The following PARD3 variants were observed in gnomAD, a reference collection of about 807,000 sequenced individuals.
PARD3 encodes par-3 family cell polarity regulator.
A neutral mutation model predicts 155.4 loss-of-function variants in PARD3; 75 were observed. That is an observed-to-expected ratio of 0.48 (90% confidence interval 0.40 to 0.58). The LOEUF (loss-of-function observed/expected upper bound fraction) is 0.58, where lower values mean the gene tolerates loss of function less well. Ranked by LOEUF, PARD3 falls within the 20% of genes least tolerant of loss-of-function variation. PARD3 has a pLI of 0.00. For synonymous variants in PARD3, 576 were observed against 610.5 expected (o/e 0.94, Z 0.83); for missense variants, 1,642 against 1,721.7 (o/e 0.95, Z 0.82).
Position 34,299,686 on chromosome 10 carries a change from C to T in PARD3, c.3066-15441G>A, listed in dbSNP as rs557959191. Among the ~76,000 whole-genome samples, 7 of 152,266 alleles carry T rather than the reference C, an allele frequency of 4.6e-5. No individual in the cohort carries two copies. The South Asian group carries it at 1.2e-3, about 27-fold the overall frequency. On this transcript the variant is annotated intron_variant, in intron 20 of 24. Transcript: ENST00000374788. ...GATAATAAGACCTGCATGGATAAAACTAATTTGAATGTGGGACCTTCTGAA... is the reference window on the plus strand; with the variant it reads ...GATAATAAGACCTGCATGGATAAAATTAATTTGAATGTGGGACCTTCTGAA...
At position 34,814,860 on chromosome 10, in the gene PARD3, G is replaced by GC; in HGVS notation, c.120+15dup. The GC allele has an allele frequency of 6.3e-6, 6 of 945,670 alleles. No individual in the cohort carries two copies. Among genetic ancestry groups the GC allele is most frequent in the Admixed American group, 2.7e-5 (1 of 37,082 alleles). The allele number at this position is 945,670 out of a possible 1,614,324, so 58.6% of individuals were successfully genotyped here. On this transcript the variant is annotated intron_variant, in intron 1 of 24. Coordinates refer to ENST00000374788, the MANE Select transcript of PARD3 (RefSeq NM_001184785.2). Reference sequence around the variant, plus strand: ...CCGCCGCCGCCCCCTCCCCGCCCGCGCCCCCGGCCCCTCACCTTGGCGATG... The same window carrying GC: ...CCGCCGCCGCCCCCTCCCCGCCCGCGCCCCCCGGCCCCTCACCTTGGCGATG...
chr10:34,629,055 A>G (rs930964855), intron 2 of PARD3, among the ~76,000 whole-genome samples: 1 of 152,174 alleles, frequency 6.6e-6, no homozygotes, highest in East Asian at 1.9e-4. Context: ...CTTCACCACG[A>G]TCTCTATCAG....
intron 22 of PARD3, among the ~76,000 whole-genome samples, chr10:34,197,249 A>C (rs186697643): frequency 3.5e-4 from 54 of 152,306 alleles, no homozygotes; most frequent in African/African-American, 1.2e-3. Context: ...CTTGCTTCTC[A>C]AGATTGAGTT....
intron 2 of PARD3, among the ~76,000 whole-genome samples, chr10:34,657,260 C>G (rs1446295714): frequency 6.6e-6 from 1 of 151,724 alleles, no homozygotes; most frequent in Non-Finnish European, 1.5e-5. Flanking sequence ...AAAGCCAGAT[C>G]GAGAACATGC....
At chr10:34,696,995 G>GAC (rs35717875) in intron 1 of PARD3, among the ~76,000 whole-genome samples, 45,906 of 143,752 alleles carry the variant, frequency 0.32, 7,585 homozygotes, top group Non-Finnish European at 0.39. Flanking sequence ...GAGACAAAAT[G>GAC]ACACACACAC....
In PARD3 at chr10:34,736,641, T is replaced by A. The variant is rs182007004; in HGVS notation, c.121-40222A>T. 5.1e-4 allele frequency among the ~76,000 whole-genome samples: 65 copies of A among 127,026 alleles called. 1 individual carries two copies. The highest frequency in any genetic ancestry group is 4.0e-3 in the Middle Eastern group (1 of 248). 83.3% of individuals were successfully genotyped at this position (127,026 alleles called of 152,430 possible). ...TCAAAATGTTGGAAATAGGTTACTT[T>A]ATTAATTAATTAATTTATTTATTTA... On this transcript the variant is annotated intron_variant, in intron 1 of 24. Coordinates refer to ENST00000374788, the MANE Select transcript of PARD3 (RefSeq NM_001184785.2).
At chr10:34,666,248 A>G (rs1008695578) in intron 2 of PARD3, among the ~76,000 whole-genome samples, 4 of 151,994 alleles carry the variant, frequency 2.6e-5, no homozygotes, top group Non-Finnish European at 4.4e-5. Context: ...TCAAAGAAAA[A>G]TCCCCATTTA....
intron 1 of PARD3, among the ~76,000 whole-genome samples, chr10:34,802,558 G>C (rs1193164731): frequency 1.3e-5 from 2 of 152,150 alleles, no homozygotes; most frequent in South Asian, 2.1e-4. Flanking sequence ...TGTATTATGT[G>C]TCAAAGCTTT....
chr10:34,481,232 A>G (rs1463985472), intron 3 of PARD3, among the ~76,000 whole-genome samples: 2 of 151,152 alleles, frequency 1.3e-5, no homozygotes, highest in African/African-American at 2.4e-5. Context: ...TTTTATCATC[A>G]CCCTCCTCCC....
At chr10:34,219,400 G>A (rs1323320295) in intron 22 of PARD3, among the ~76,000 whole-genome samples, 2 of 152,156 alleles carry the variant, frequency 1.3e-5, no homozygotes, top group Non-Finnish European at 2.9e-5. Flanking sequence ...TTAAAGATGA[G>A]GAAGAAACCC....
At chr10:34,604,904 C>T (rs1230658277) in intron 2 of PARD3, among the ~76,000 whole-genome samples, 14 of 151,362 alleles carry the variant, frequency 9.2e-5, no homozygotes, top group East Asian at 1.9e-4. Context: ...TTTCACTTTT[C>T]AAAAAAAATC....
At chr10:34,684,018 T>C (rs942430) in intron 2 of PARD3, among the ~76,000 whole-genome samples, 92,507 of 152,104 alleles carry the variant, frequency 0.61, 29,066 homozygotes, top group Non-Finnish European at 0.67. Flanking sequence ...ATGAATAAAG[T>C]CATCTAGTTA....
In PARD3 at chr10:34,372,486, C is replaced by T. The variant is rs772748422; in HGVS notation, c.1707+12G>A. ...CAACATCTCTGCATCCTTCAAAAGA[C>T]AAAGCTCTTACCGTTTCTTTTGGAA... On this transcript the variant is annotated intron_variant, in intron 12 of 24. Transcript: ENST00000374788. 6.2e-7 allele frequency: 1 copy of T among 1,601,444 alleles called. No individual in the cohort carries two copies. The highest frequency in any genetic ancestry group is 8.6e-7 in the Non-Finnish European group (1 of 1,168,880).
chr10:34,194,153 G>A (rs569717098), intron 22 of PARD3, among the ~76,000 whole-genome samples: 1 of 152,280 alleles, frequency 6.6e-6, no homozygotes, highest in South Asian at 2.1e-4. Flanking sequence ...TTAGGTTACT[G>A]CTCTGAGCTT....
chr10:34,579,572 G>GTGTGTGTGTA (rs1554775626), intron 2 of PARD3, among the ~76,000 whole-genome samples: 8,370 of 149,616 alleles, frequency 0.056, 302 homozygotes, highest in Middle Eastern at 0.086. Context: ...GTGTGTGTGT[G>GTGTGTGTGTA]TGTGTGTGTG....
chr10:34,559,004 T>A (rs931202980), intron 2 of PARD3, among the ~76,000 whole-genome samples: 16 of 152,146 alleles, frequency 1.1e-4, no homozygotes, highest in Admixed American at 9.2e-4. Flanking sequence ...CCACACATTT[T>A]TCTAGAAGAA....
rs146047312 is a variant in PARD3, at chr10:34,556,918, A to G, written c.223-39759T>C. On this transcript the variant is annotated intron_variant, in intron 2 of 24. Transcript: ENST00000374788. The stretch of plus-strand genomic sequence containing the variant: ...TGTCATACAAAACCTTTCTAGACAC[A>G]TAGATATACCTGATTCTACCCTACT... Among the ~76,000 whole-genome samples the G allele has an allele frequency of 1.5e-3, 227 of 152,240 alleles. 2 individuals carry two copies. Among genetic ancestry groups the G allele is most frequent in the South Asian group, 0.014 (66 of 4,808 alleles).
chr10:34,579,328 A>G (rs1005487568), intron 2 of PARD3, among the ~76,000 whole-genome samples: 4 of 152,032 alleles, frequency 2.6e-5, no homozygotes, highest in Admixed American at 1.3e-4. Context: ...CTTTTCAATA[A>G]ACCCCAGCGC....
intron 2 of PARD3, among the ~76,000 whole-genome samples, chr10:34,662,597 G>A (rs2093350712): frequency 1.3e-5 from 2 of 152,200 alleles, no homozygotes; most frequent in South Asian, 2.1e-4. Flanking sequence ...GATCAGCCAG[G>A]TGCGATGGCT....
Sources: gnomAD v4.1 joint callset for allele counts (sites outside exome capture counted in the v4.1 genomes callset) on GRCh38, gnomAD v4.1.1 for gene constraint, MANE v1.5 for transcripts, NCBI Gene and HGNC (gene_info 2026-07-23, HGNC 2026-07-21) for gene names.